AMMECR1: variants seen among roughly 807,000 people sequenced by gnomAD.
The protein encoded by AMMECR1 is AMMECR nuclear protein 1.
AMMECR1 carries 3 observed loss-of-function variants against 22.5 expected under a neutral mutation model. The ratio of observed to expected loss-of-function variants is 0.13; its 90% CI spans 0.06 to 0.35. The LOEUF is 0.35. Ranked by LOEUF, AMMECR1 falls within the 10% of genes least tolerant of loss-of-function variation. AMMECR1 has a pLI of 1.00. For synonymous variants in AMMECR1, 130 were observed against 116.7 expected (o/e 1.11, Z -0.74); for missense variants, 235 against 278.7 (o/e 0.84, Z 1.12).
At chrX:110,297,034 G>C (rs1396315152) in intron 1 of AMMECR1, among the ~76,000 whole-genome samples, 1 of 111,645 alleles carries the variant, frequency 9.0e-6, no homozygotes, top group African/African-American at 3.3e-5. Context: ...TGTTTGTTTA[G>C]TGACTTTCCC....
intron 2 of AMMECR1, among the ~76,000 whole-genome samples, chrX:110,369,908 C>T (rs954383411): frequency 4.5e-5 from 5 of 111,300 alleles, no homozygotes; most frequent in Non-Finnish European, 7.5e-5. Context: ...TATGAATCTC[C>T]TGAAAGTGCA....
At chrX:110,296,180 A>G (rs1239736446) in intron 1 of AMMECR1, among the ~76,000 whole-genome samples, 2 of 112,275 alleles carry the variant, frequency 1.8e-5, no homozygotes, top group Non-Finnish European at 3.8e-5. Flanking sequence ...TTTGCTAGAT[A>G]TAGAAATATT....
intron 2 of AMMECR1, among the ~76,000 whole-genome samples, chrX:110,325,229 C>T (rs768843229): frequency 7.2e-5 from 8 of 111,875 alleles, no homozygotes; most frequent in Admixed American, 2.8e-4. Flanking sequence ...TACTAGCTTA[C>T]GATGTACAAT....
chrX:110,432,463 G>A (rs944296786), intron 1 of AMMECR1, among the ~76,000 whole-genome samples: 1 of 112,276 alleles, frequency 8.9e-6, no homozygotes, highest in Non-Finnish European at 1.9e-5. Context: ...AGCTGGAGAA[G>A]GCGCTGTCTG....
chrX:110,258,785 A>G (rs947626647), intron 2 of AMMECR1, among the ~76,000 whole-genome samples: 1 of 111,588 alleles, frequency 9.0e-6, no homozygotes, highest in Non-Finnish European at 1.9e-5. Flanking sequence ...TTTTCTTTTC[A>G]TAAGAAAAAT....
chrX:110,239,220 G>A (rs1443604184), intron 2 of AMMECR1, among the ~76,000 whole-genome samples: 1 of 111,231 alleles, frequency 9.0e-6, no homozygotes, highest in Admixed American at 9.5e-5. Flanking sequence ...ACAGAAGTAG[G>A]CTTCAGAAGG....
intron 1 of AMMECR1, among the ~76,000 whole-genome samples, chrX:110,291,829 A>G (rs1016801009): frequency 8.9e-6 from 1 of 111,847 alleles, no homozygotes; most frequent in Non-Finnish European, 1.9e-5. Flanking sequence ...ACTCTTTTCT[A>G]ATTCACATAA....
At chrX:110,335,481 C>T (rs1388602711) in intron 2 of AMMECR1, among the ~76,000 whole-genome samples, 4 of 111,757 alleles carry the variant, frequency 3.6e-5, no homozygotes, top group Non-Finnish European at 7.5e-5. Flanking sequence ...GTAGTAGTCA[C>T]TCAATAAACA....
intron 2 of AMMECR1, among the ~76,000 whole-genome samples, chrX:110,226,030 C>T (rs2067531041): frequency 9.0e-6 from 1 of 111,594 alleles, no homozygotes; most frequent in South Asian, 3.8e-4. Flanking sequence ...ATATTTTTAT[C>T]TCACCCCACA....
intron 2 of AMMECR1, among the ~76,000 whole-genome samples, chrX:110,239,420 C>T (rs755812600): frequency 1.5e-4 from 17 of 109,957 alleles, no homozygotes; most frequent in African/African-American, 4.3e-4. Flanking sequence ...TATCAATAGC[C>T]GAATCATCAA....
At chrX:110,366,377 T>C (rs760404941) in intron 2 of AMMECR1, among the ~76,000 whole-genome samples, 2 of 111,745 alleles carry the variant, frequency 1.8e-5, no homozygotes, top group Non-Finnish European at 3.8e-5. Context: ...TAATGGGGTA[T>C]ACCGGATTTG....
intron 2 of AMMECR1, among the ~76,000 whole-genome samples, chrX:110,332,182 C>T (rs1244072689): frequency 9.0e-6 from 1 of 111,231 alleles, no homozygotes; most frequent in Non-Finnish European, 1.9e-5. Context: ...AAAATACTCT[C>T]CATAAAGGGC....
At chrX:110,238,398 G>A (rs897366296) in intron 2 of AMMECR1, among the ~76,000 whole-genome samples, 3 of 111,702 alleles carry the variant, frequency 2.7e-5, no homozygotes, top group Non-Finnish European at 3.8e-5. Flanking sequence ...CCGAGTAGGC[G>A]GTTTTCCCCT....
At chrX:110,374,659 G>A (rs1216842892) in intron 2 of AMMECR1, among the ~76,000 whole-genome samples, 2 of 111,958 alleles carry the variant, frequency 1.8e-5, no homozygotes, top group African/African-American at 6.5e-5. Context: ...TGTTAAAGAA[G>A]GTTTCATAAA....
At chrX:110,328,788 A>G (rs867356780) in intron 2 of AMMECR1, among the ~76,000 whole-genome samples, 4 of 111,621 alleles carry the variant, frequency 3.6e-5, no homozygotes, top group Middle Eastern at 4.6e-3. Context: ...CCTGCAAAGG[A>G]CATGAACTCA....
chrX:110,420,309 A>C (rs1266915607), intron 2 of AMMECR1, among the ~76,000 whole-genome samples: 1 of 112,327 alleles, frequency 8.9e-6, no homozygotes, highest in African/African-American at 3.2e-5. Flanking sequence ...TGGAATAGCT[A>C]ACCAAGGAAT....
intron 2 of AMMECR1, among the ~76,000 whole-genome samples, chrX:110,323,802 G>C (rs1418414550): frequency 9.0e-6 from 1 of 111,635 alleles, no homozygotes; most frequent in Non-Finnish European, 1.9e-5. Flanking sequence ...GAGTTATTGT[G>C]TTATATTATA....
chrX:110,310,338 C>T (rs889821633), intron 1 of AMMECR1, among the ~76,000 whole-genome samples: 2 of 111,474 alleles, frequency 1.8e-5, no homozygotes, highest in Non-Finnish European at 3.8e-5. Context: ...TGTTCAAAGC[C>T]TCTCTTCTTT....
intron 2 of AMMECR1, among the ~76,000 whole-genome samples, chrX:110,362,109 A>G (rs2068267827): frequency 8.9e-6 from 1 of 111,956 alleles, no homozygotes; most frequent in African/African-American, 3.2e-5. Context: ...GAATGAATGC[A>G]TCAGTGGGAG....
Sources: gnomAD v4.1 joint callset for allele counts (sites outside exome capture counted in the v4.1 genomes callset) on GRCh38, gnomAD v4.1.1 for gene constraint, MANE v1.5 for transcripts, NCBI Gene and HGNC (gene_info 2026-07-23, HGNC 2026-07-21) for gene names.